Variants in MAML2 observed in about 807,000 individuals in gnomAD.
MAML2 encodes mastermind like transcriptional coactivator 2.
In MAML2, 22 loss-of-function variants were observed where a neutral mutation model predicts 96.1. The observed-to-expected ratio is 0.23, with a 90% CI of 0.16 to 0.33. The LOEUF is 0.33. MAML2 is among the 10% of genes least tolerant of loss of function. The pLI, the probability that MAML2 is intolerant of heterozygous loss-of-function variation, is 1.00. For missense variants in MAML2, 1,367 were observed against 1,392.4 expected, an observed-to-expected ratio of 0.98 and a Z score of 0.29; for synonymous variants, 561 against 521.3, an observed-to-expected ratio of 1.08 and a Z score of -1.04.
intron 1 of MAML2, among the ~76,000 whole-genome samples, chr11:96,154,013 A>G (rs1359788838): frequency 6.6e-6 from 1 of 152,228 alleles, no homozygotes; most frequent in African/African-American, 2.4e-5. Flanking sequence ...ATGGTAATAT[A>G]CTTACAGTGT....
chr11:96,341,380 T>G lies in MAML2; in HGVS notation c.513+3A>C. 6.6e-7 allele frequency: 1 copy of G among 1,512,240 alleles called. No homozygotes were observed. The highest frequency in any genetic ancestry group is 8.9e-7 in the Non-Finnish European group (1 of 1,124,338). The allele number at this position is 1,512,240 out of a possible 1,614,324, so 93.7% of individuals were successfully genotyped here. Reference sequence around the variant, plus strand: ...CAGAACCATGAGAAAGCCAGGTGCTTACCGCAATCAGGGCTGAGTTCCTCT... The same window carrying G: ...CAGAACCATGAGAAAGCCAGGTGCTGACCGCAATCAGGGCTGAGTTCCTCT... On this transcript the variant is annotated splice_donor_region_variant and intron_variant, in intron 1 of 4. Coordinates refer to ENST00000524717, the MANE Select transcript of MAML2 (RefSeq NM_032427.4).
rs1290881839 is a variant in MAML2 at position 96,210,647 on chromosome 11, T to A, written c.514-117130A>T. Among the ~76,000 whole-genome samples, 12 of 152,172 alleles carry A rather than the reference T, an allele frequency of 7.9e-5. No homozygotes were observed. In the East Asian group the frequency reaches 1.9e-3, roughly 24 times the overall value. On this transcript the variant is annotated intron_variant, in intron 1 of 4. Transcript: ENST00000524717. ...GGAAAACAGGAGTAACAAGAGGAAC[T>A]GTGTCAAAGAGATATTGGGGGGATT...
At chr11:96,118,656 A>G (rs995554124) in intron 1 of MAML2, among the ~76,000 whole-genome samples, 13 of 152,214 alleles carry the variant, frequency 8.5e-5, no homozygotes, top group African/African-American at 3.1e-4. Context: ...ACAGAAAACA[A>G]TATGGAGAGA....
intron 1 of MAML2, among the ~76,000 whole-genome samples, chr11:96,191,266 C>T (rs1394931791): frequency 6.6e-6 from 1 of 151,890 alleles, no homozygotes; most frequent in African/African-American, 2.4e-5. Flanking sequence ...GAGATTGAGA[C>T]AATCCTGACC....
chr11:96,313,278 G>A (rs920149245), intron 1 of MAML2, among the ~76,000 whole-genome samples: 6 of 152,120 alleles, frequency 3.9e-5, no homozygotes, highest in African/African-American at 1.2e-4. Flanking sequence ...CCGAGGCATC[G>A]GCATCCACCT....
chr11:96,260,396 C>T (rs946625232), intron 1 of MAML2, among the ~76,000 whole-genome samples: 10 of 152,254 alleles, frequency 6.6e-5, no homozygotes, highest in African/African-American at 1.7e-4. Context: ...ATCCCTTGGC[C>T]GTCTCCTTTT....
intron 1 of MAML2, among the ~76,000 whole-genome samples, chr11:96,208,704 C>T (rs1306972403): frequency 6.6e-6 from 1 of 151,798 alleles, no homozygotes; most frequent in Non-Finnish European, 1.5e-5. Flanking sequence ...AGCAATGGAT[C>T]CAAACCAAGA....
intron 2 of MAML2, among the ~76,000 whole-genome samples, chr11:96,041,175 T>G (rs891337787): frequency 6.6e-6 from 1 of 151,950 alleles, no homozygotes; most frequent in Non-Finnish European, 1.5e-5. Flanking sequence ...AGTAGGTTGG[T>G]TACAGCAGGG....
intron 1 of MAML2, among the ~76,000 whole-genome samples, chr11:96,152,032 G>T (rs970464722): frequency 1.3e-5 from 2 of 152,168 alleles, no homozygotes; most frequent in African/African-American, 4.8e-5. Flanking sequence ...AGACCAGCCT[G>T]GGCAACATAT....
intron 1 of MAML2, among the ~76,000 whole-genome samples, chr11:96,162,441 C>T (rs1476875301): frequency 6.6e-6 from 1 of 151,940 alleles, no homozygotes; most frequent in South Asian, 2.1e-4. Context: ...AGGCTGGGCA[C>T]GGTGGCTCAC....
chr11:96,276,659 C>A (rs946723025), intron 1 of MAML2, among the ~76,000 whole-genome samples: 1 of 152,004 alleles, frequency 6.6e-6, no homozygotes, highest in African/African-American at 2.4e-5. Context: ...AATGGATCCA[C>A]ACATTGAAAT....
rs543541429 is a variant in MAML2, at chr11:95,999,586, A to G, written c.2140-7863T>C. Among the ~76,000 whole-genome samples the G allele has an allele frequency of 7.9e-5, 12 of 152,144 alleles. 1 individual carries two copies. In the South Asian group the frequency reaches 2.5e-3, roughly 32 times the overall value. On this transcript the variant is annotated intron_variant, in intron 2 of 4. Coordinates refer to ENST00000524717, the MANE Select transcript of MAML2 (RefSeq NM_032427.4). ...TTGTTCTCTTAATTAAAAAAAAAAA[A>G]AAAAGCTCTACAAAATATTTGTCTT...
intron 1 of MAML2, among the ~76,000 whole-genome samples, chr11:96,122,090 G>C (rs185248024): frequency 1.2e-3 from 179 of 147,974 alleles, no homozygotes; most frequent in Admixed American, 2.1e-3. Context: ...GATTACAGGC[G>C]TGAGCCACCC....
At chr11:95,988,113 A>ATGTGTG (rs141507951) in intron 3 of MAML2, among the ~76,000 whole-genome samples, 19,065 of 145,318 alleles carry the variant, frequency 0.13, 1,390 homozygotes, top group Admixed American at 0.21. Flanking sequence ...TGAAGACAGG[A>ATGTGTG]TGTGTGTGTG....
At position 96,262,988 on chromosome 11, in the gene MAML2, T is replaced by A. The variant is rs367806276; in HGVS notation, c.513+78395A>T. Among the ~76,000 whole-genome samples the A allele has an allele frequency of 9.8e-5, 15 of 152,360 alleles. No individual in the cohort carries two copies. The East Asian group carries it at 2.9e-3, about 29-fold the overall frequency. On this transcript the variant is annotated intron_variant, in intron 1 of 4. Coordinates refer to ENST00000524717, the MANE Select transcript of MAML2 (RefSeq NM_032427.4). ...CAAGATTTGATAGTAATCATTATACTAATTGCTAATAGTAAACTGCTTCCC... is the reference window on the plus strand; with the variant it reads ...CAAGATTTGATAGTAATCATTATACAAATTGCTAATAGTAAACTGCTTCCC...
At chr11:96,040,063 C>T (rs942102072) in intron 2 of MAML2, among the ~76,000 whole-genome samples, 2 of 151,990 alleles carry the variant, frequency 1.3e-5, no homozygotes, top group African/African-American at 2.4e-5. Context: ...GTCCTCAAAC[C>T]GGGGTTCCCT....
chr11:96,253,869 G>A (rs935850481), intron 1 of MAML2, among the ~76,000 whole-genome samples: 2 of 152,194 alleles, frequency 1.3e-5, no homozygotes, highest in East Asian at 1.9e-4. Context: ...ATAGGATACT[G>A]TGACTGCTCC....
chr11:96,285,366 A>C (rs1282189078), intron 1 of MAML2, among the ~76,000 whole-genome samples: 1 of 152,218 alleles, frequency 6.6e-6, no homozygotes, highest in East Asian at 1.9e-4. Flanking sequence ...CCAAACTTTA[A>C]ACACCTTAGA....
At chr11:96,035,959 C>A (rs1301145596) in intron 2 of MAML2, among the ~76,000 whole-genome samples, 1 of 152,144 alleles carries the variant, frequency 6.6e-6, no homozygotes, top group Non-Finnish European at 1.5e-5. Context: ...AGTGAGGCTA[C>A]AGGGATTAAA....
Sources: gnomAD v4.1 joint callset for allele counts (sites outside exome capture counted in the v4.1 genomes callset) on GRCh38, gnomAD v4.1.1 for gene constraint, MANE v1.5 for transcripts, NCBI Gene and HGNC (gene_info 2026-07-23, HGNC 2026-07-21) for gene names.